Variants in DYM observed in about 807,000 individuals in gnomAD.
DYM encodes dymeclin.
In DYM, 78 loss-of-function variants were observed where a neutral mutation model predicts 93.1. The observed-to-expected ratio is 0.84, with a 90% confidence interval of 0.70 to 1.01. The LOEUF (loss-of-function observed/expected upper bound fraction) is 1.01, where lower values mean the gene tolerates loss of function less well. Ranked by LOEUF, DYM falls within the 50% of genes least tolerant of loss-of-function variation. DYM has a pLI of 0.00. For synonymous variants in DYM, 321 were observed against 319.7 expected, an observed-to-expected ratio of 1.00 and a Z score of -0.04; for missense variants, 789 against 845.0, an observed-to-expected ratio of 0.93 and a Z score of 0.82.
chr18:49,097,438 C>A lies in DYM; in HGVS notation c.1989G>T (p.Lys663Asn), dbSNP rs1206237584. The change falls in exon 17 of 18, where the codon AAG becomes AAT. Residue 663 changes from lysine to asparagine, a missense_variant. Transcript: ENST00000675505. ...LSVERVLEIIKQGVVALPKDR... is the reference protein window; with the variant it reads ...LSVERVLEIINQGVVALPKDR... Reference sequence around the variant, plus strand: ...CTTTGGGCAGCGCAACGACGCCTTGCTTAATGATTTCCAGGACCCGTTCCA... The same window carrying A: ...CTTTGGGCAGCGCAACGACGCCTTGATTAATGATTTCCAGGACCCGTTCCA... The A allele has an allele frequency of 7.4e-6, 12 of 1,613,920 alleles. No homozygotes were observed. Among genetic ancestry groups the A allele is most frequent in the Admixed American group, 5.0e-5 (3 of 60,002 alleles).
intron 6 of DYM, among the ~76,000 whole-genome samples, chr18:49,353,291 T>G (rs1331865643): frequency 6.6e-6 from 1 of 152,130 alleles, no homozygotes; most frequent in Non-Finnish European, 1.5e-5. Flanking sequence ...CGGAGAGTTC[T>G]GTCTTCTCAT....
chr18:49,057,750 T>A (rs944967345), intron 17 of DYM, among the ~76,000 whole-genome samples: 2 of 152,252 alleles, frequency 1.3e-5, no homozygotes, highest in Non-Finnish European at 2.9e-5. Context: ...GTGTAAACTT[T>A]TAAGACTACC....
chr18:49,124,030 C>G (rs775069367), intron 15 of DYM, among the ~76,000 whole-genome samples: 5 of 152,192 alleles, frequency 3.3e-5, no homozygotes, highest in Non-Finnish European at 5.9e-5. Flanking sequence ...CAAAAATTAT[C>G]TGCAGATAGC....
At chr18:49,366,601 G>T (rs2066536795) in intron 5 of DYM, among the ~76,000 whole-genome samples, 1 of 152,134 alleles carries the variant, frequency 6.6e-6, no homozygotes, top group African/African-American at 2.4e-5. Flanking sequence ...AGGCCAGCTT[G>T]GGCAACATAC....
intron 6 of DYM, among the ~76,000 whole-genome samples, chr18:49,356,534 C>T (rs887789315): frequency 2.0e-5 from 3 of 152,196 alleles, no homozygotes; most frequent in Admixed American, 2.0e-4. Flanking sequence ...CACTCCTCCA[C>T]CCACCTTACG....
intron 14 of DYM, among the ~76,000 whole-genome samples, chr18:49,174,679 C>T (rs888521626): frequency 1.3e-5 from 2 of 152,060 alleles, no homozygotes; most frequent in African/African-American, 4.8e-5. Flanking sequence ...GAAATATTCC[C>T]TAGGATTTTA....
intron 17 of DYM, among the ~76,000 whole-genome samples, chr18:49,096,020 C>T (rs2079514044): frequency 6.6e-6 from 1 of 152,042 alleles, no homozygotes; most frequent in African/African-American, 2.4e-5. Flanking sequence ...GTATAGTTTA[C>T]ATAAATTTGA....
At chr18:49,209,941 C>CA (rs2146110173) in intron 13 of DYM, among the ~76,000 whole-genome samples, 1 of 152,034 alleles carries the variant, frequency 6.6e-6, no homozygotes, top group East Asian at 1.9e-4. Flanking sequence ...ATACAGATGG[C>CA]AAATAAGCAT....
chr18:49,198,844 G>C (rs2091743230), intron 14 of DYM, among the ~76,000 whole-genome samples: 1 of 151,796 alleles, frequency 6.6e-6, no homozygotes. Context: ...TCTAGAACTA[G>C]AAATACCATT....
chr18:49,303,882 TAC>T (rs2146230389), intron 8 of DYM, among the ~76,000 whole-genome samples: 1 of 152,336 alleles, frequency 6.6e-6, no homozygotes, highest in Admixed American at 6.5e-5. Context: ...TACTAGCATT[TAC>T]AGGACATCCT....
intron 14 of DYM, among the ~76,000 whole-genome samples, chr18:49,188,941 A>G (rs1469464947): frequency 6.6e-6 from 1 of 152,230 alleles, no homozygotes; most frequent in African/African-American, 2.4e-5. Flanking sequence ...ACGCTCATCA[A>G]TGGTGGAGTG....
intron 8 of DYM, among the ~76,000 whole-genome samples, chr18:49,296,401 A>G (rs1426552673): frequency 2.0e-5 from 3 of 152,198 alleles, no homozygotes; most frequent in Non-Finnish European, 4.4e-5. Flanking sequence ...CATTCATTTC[A>G]TCATTTATTA....
intron 8 of DYM, among the ~76,000 whole-genome samples, chr18:49,306,275 TAG>T (rs1479692875): frequency 3.3e-5 from 5 of 152,182 alleles, no homozygotes; most frequent in African/African-American, 1.2e-4. Flanking sequence ...TACCCAGAAG[TAG>T]AGAGTTAATT....
chr18:49,166,989 CGTGTGTGTGTGTGTGTGTGTGTGT>C (rs61299099), intron 14 of DYM, among the ~76,000 whole-genome samples: 11 of 142,028 alleles, frequency 7.7e-5, no homozygotes, highest in African/African-American at 2.4e-4. Context: ...TCTCACATTC[CGTGTGTGTGTGTGTGTGTGTGTGT>C]GTGTGTGTGT....
intron 17 of DYM, among the ~76,000 whole-genome samples, chr18:49,074,163 T>C (rs1310289840): frequency 6.6e-6 from 1 of 152,234 alleles, no homozygotes; most frequent in African/African-American, 2.4e-5. Context: ...AGGTTTCGCA[T>C]CCCTGGATTC....
intron 14 of DYM, among the ~76,000 whole-genome samples, chr18:49,196,475 C>T (rs2091461523): frequency 6.6e-6 from 1 of 150,754 alleles, no homozygotes; most frequent in African/African-American, 2.4e-5. Context: ...ACATTTTCTG[C>T]CCTTATGGAA....
At chr18:49,450,126 C>T (rs567177783) in intron 1 of DYM, among the ~76,000 whole-genome samples, 3 of 152,152 alleles carry the variant, frequency 2.0e-5, no homozygotes, top group Admixed American at 1.3e-4. Flanking sequence ...TACAGGAAGA[C>T]AAAAATTAAT....
At chr18:49,422,412 A>G (rs2073821928) in intron 2 of DYM, among the ~76,000 whole-genome samples, 1 of 152,226 alleles carries the variant, frequency 6.6e-6, no homozygotes, top group South Asian at 2.1e-4. Flanking sequence ...ACTAAGCTTC[A>G]TAAGTGAAGG....
At chr18:49,161,087 GAA>G (rs879775833) in intron 15 of DYM, among the ~76,000 whole-genome samples, 3 of 104,738 alleles carry the variant, frequency 2.9e-5, no homozygotes, top group Non-Finnish European at 4.2e-5. Flanking sequence ...TAAATGTTAA[GAA>G]AAAAAAAAAA....
Sources: allele counts gnomAD v4.1 joint callset (sites outside exome capture counted in the v4.1 genomes callset), GRCh38; gene constraint gnomAD v4.1.1; transcripts MANE v1.5; gene names NCBI Gene and HGNC (gene_info 2026-07-23, HGNC 2026-07-21).